Variants in NRAP observed in about 807,000 individuals in gnomAD.
NRAP encodes nebulin related anchoring protein.
A neutral mutation model predicts 225.9 loss-of-function variants in NRAP; 189 were observed. The ratio of observed to expected loss-of-function variants is 0.84; its 90% CI spans 0.74 to 0.94. The LOEUF is 0.94. Ranked by LOEUF, NRAP falls within the 40% of genes least tolerant of loss-of-function variation. The probability of loss-of-function intolerance (pLI) is 0.00; values close to 1 mark genes in which losing one functional copy is unlikely to be tolerated. For missense variants in NRAP, 2,176 were observed against 2,168.7 expected (o/e 1.00, Z -0.07); for synonymous variants, 769 against 790.7 (o/e 0.97, Z 0.46).
In NRAP at chr10:113,650,506, C is replaced by T. The variant is rs1473259189; in HGVS notation, c.715G>A (p.Gly239Ser). ...TEDYEQQRGK[G>S]SFPAMITPAY... ...GGTGTGATCATCGCAGGGAAACTGCCTTTCCCTCTTTGTTGTTCATAGTCC... is the reference window on the plus strand; with the variant it reads ...GGTGTGATCATCGCAGGGAAACTGCTTTTCCCTCTTTGTTGTTCATAGTCC... Residue 239 changes from glycine to serine, a missense_variant, in exon 8 of 42, where the codon GGC becomes AGC. Gly to Ser is a moderately conservative substitution (Grantham distance 56). Transcript: ENST00000359988. 5 of 1,613,750 alleles carry T rather than the reference C, an allele frequency of 3.1e-6. No homozygotes were observed. The South Asian group carries it at 4.4e-5, about 14-fold the overall frequency.
intron 31 of NRAP, among the ~76,000 whole-genome samples, chr10:113,609,792 G>T (rs974662695): frequency 6.6e-6 from 1 of 152,106 alleles, no homozygotes; most frequent in Non-Finnish European, 1.5e-5. Flanking sequence ...ATCTCTCTCT[G>T]TTGGTCTTCA....
intron 35 of NRAP, among the ~76,000 whole-genome samples, chr10:113,604,380 G>A (rs181052834): frequency 1.1e-4 from 16 of 152,320 alleles, no homozygotes. Flanking sequence ...CTCCCAAAGT[G>A]TTGGGATTAC....
chr10:113,613,405 T>G (rs1847447622), intron 29 of NRAP, among the ~76,000 whole-genome samples: 1 of 152,174 alleles, frequency 6.6e-6, no homozygotes, highest in Non-Finnish European at 1.5e-5. Context: ...ACTGAATCAC[T>G]CAGAGTTTCT....
rs1846105869 is a variant in NRAP at position 113,593,408 on chromosome 10, GGGCCAAGCAT to G, written c.4537-1117_4537-1108del. Among the ~76,000 whole-genome samples, 3 of 152,118 alleles carry G rather than the reference GGGCCAAGCAT, an allele frequency of 2.0e-5. No individual in the cohort carries two copies. The South Asian group carries it at 6.2e-4, about 32-fold the overall frequency. On this transcript the variant is annotated intron_variant, in intron 38 of 41. Coordinates refer to ENST00000359988, the MANE Select transcript of NRAP (RefSeq NM_198060.4). ...AACTAGAGAGGACCACAAAGTGCTTGGGCCAAGCATGGCGGATCTCATCATTTCTCTGTAC... is the reference window on the plus strand; with the variant it reads ...AACTAGAGAGGACCACAAAGTGCTTGGGCGGATCTCATCATTTCTCTGTAC...
In NRAP at chr10:113,604,891, C is replaced by T. The variant is rs1418300590; in HGVS notation, c.3945G>A (p.Glu1315=). 6.2e-7 allele frequency: 1 copy of T among 1,613,734 alleles called. No individual in the cohort carries two copies. Among genetic ancestry groups the T allele is most frequent in the African/African-American group, 1.3e-5 (1 of 74,934 alleles). The change falls in exon 35 of 42, where the codon GAG becomes GAA. Residue 1315 remains glutamate, a synonymous_variant. Coordinates refer to ENST00000359988, the MANE Select transcript of NRAP (RefSeq NM_198060.4). ...TCTGGGGCCCTATGAGTTTCCCTCG[C>T]TCCTTCACAAAGTCATGTCTGTAGA... ...DFLYRHDFVK[E]RGKLIGPQSV...
At position 113,626,095 on chromosome 10, in the gene NRAP, G is replaced by A. The variant is rs1229763071; in HGVS notation, c.2196C>T (p.Asp732=). 9.9e-6 allele frequency: 16 copies of A among 1,612,322 alleles called. No homozygotes were observed. Among genetic ancestry groups the A allele is most frequent in the Non-Finnish European group, 1.4e-5 (16 of 1,179,500 alleles). Residue 732 remains aspartate (D), a synonymous_variant, in exon 21 of 42, where the codon GAC becomes GAT. Coordinates refer to ENST00000359988, the MANE Select transcript of NRAP (RefSeq NM_198060.4). ...VDELKFTSVT[D]SSQMEHAKKS... ...TCTTGGCGTGCTCCATCTGGGAGCT[G>A]TCGGTCACGCTGGTGAACTTCAGCT... is the stretch of plus-strand genomic sequence containing the variant.
At chr10:113,655,328 T>G (rs1208580324) in intron 4 of NRAP, among the ~76,000 whole-genome samples, 1 of 152,198 alleles carries the variant, frequency 6.6e-6, no homozygotes, top group Non-Finnish European at 1.5e-5. Flanking sequence ...TTATCTAGTC[T>G]AGAAAAACAC....
At chr10:113,634,883 T>A (rs1848776398) in intron 14 of NRAP, among the ~76,000 whole-genome samples, 1 of 152,096 alleles carries the variant, frequency 6.6e-6, no homozygotes, top group African/African-American at 2.4e-5. Flanking sequence ...TGGGAGACAA[T>A]GGAGCATCAG....
intron 35 of NRAP, among the ~76,000 whole-genome samples, chr10:113,601,859 C>A (rs181728005): frequency 6.6e-6 from 1 of 152,114 alleles, no homozygotes; most frequent in Non-Finnish European, 1.5e-5. Flanking sequence ...TGGATCAAAT[C>A]GAACCTCTTT....
At chr10:113,636,772 G>T (rs1222570464) in intron 14 of NRAP, among the ~76,000 whole-genome samples, 1 of 152,100 alleles carries the variant, frequency 6.6e-6, no homozygotes, top group Non-Finnish European at 1.5e-5. Context: ...ACTTTGGGAG[G>T]CCGAGGCAGG....
At chr10:113,608,027 A>ATCTAG (rs1847100375) in intron 32 of NRAP, among the ~76,000 whole-genome samples, 3 of 152,246 alleles carry the variant, frequency 2.0e-5, no homozygotes, top group African/African-American at 4.8e-5. Context: ...AAAATTGGTT[A>ATCTAG]GCCAATATTT....
Position 113,605,761 on chromosome 10 carries a change from C to T in NRAP, c.3915+1G>A. On this transcript the variant is annotated splice_donor_variant, in intron 34 of 41. Coordinates refer to ENST00000359988, the MANE Select transcript of NRAP (RefSeq NM_198060.4). LOFTEE classifies it high-confidence loss of function. ...ATGGAAGGTCATATCATTCAACTCA[C>T]ATCACTGGCTATATCTCCAGAGGCC... 2 of 1,594,452 alleles carry T rather than the reference C, an allele frequency of 1.3e-6. No individual in the cohort carries two copies. The highest frequency in any genetic ancestry group is 1.7e-6 in the Non-Finnish European group (2 of 1,162,218).
intron 31 of NRAP, among the ~76,000 whole-genome samples, chr10:113,610,028 TAACATCC>T (rs1333308279): frequency 6.6e-6 from 1 of 151,250 alleles, no homozygotes; most frequent in African/African-American, 2.4e-5. Context: ...GCTAAGAGTT[TAACATCC>T]AACTGGCTTT....
At chr10:113,639,070 T>C (rs1400565066) in intron 14 of NRAP, among the ~76,000 whole-genome samples, 2 of 145,976 alleles carry the variant, frequency 1.4e-5, no homozygotes, top group African/African-American at 5.1e-5. Flanking sequence ...GATCTGCAAG[T>C]TTCCCAGGTA....
chr10:113,646,485 C>A (rs1849516167), intron 10 of NRAP, among the ~76,000 whole-genome samples: 1 of 152,238 alleles, frequency 6.6e-6, no homozygotes, highest in Non-Finnish European at 1.5e-5. Context: ...GAGCATGTCA[C>A]TTTTCCAAGT....
Position 113,612,257 on chromosome 10 carries a change from TC to T in NRAP, c.3474del (p.Ala1160LeufsTer14). The T allele has an allele frequency of 1.9e-6, 3 of 1,614,144 alleles. No individual in the cohort carries two copies. The highest frequency in any genetic ancestry group is 2.5e-6 in the Non-Finnish European group (3 of 1,180,014). Reference sequence around the variant, plus strand: ...ACCTCACTCTGCAATTTGTGAGCTTTCTTGGCACAGCTCAGCCTCAGGTCTT... The same window carrying T: ...ACCTCACTCTGCAATTTGTGAGCTTTTTGGCACAGCTCAGCCTCAGGTCTT... ...LAEDLRLSCA[K>X]KAHKLQSENL... On this transcript the variant is annotated frameshift_variant, in exon 30 of 42. Transcript: ENST00000359988. LOFTEE classifies it high-confidence loss of function.
At position 113,640,220 on chromosome 10, in the gene NRAP, A is replaced by G. The variant is rs773685279; in HGVS notation, c.1428+7T>C. On this transcript the variant is annotated splice_region_variant and intron_variant, in intron 14 of 41. Transcript: ENST00000359988. ...AAAGCAGAAAGAGCTGTTGGAAAAG[A>G]ACTTACATCTTTCAAGGGCACCAGT... 15 of 1,544,444 alleles carry G rather than the reference A, an allele frequency of 9.7e-6. No individual in the cohort carries two copies. The highest frequency in any genetic ancestry group is 1.2e-5 in the Non-Finnish European group (14 of 1,125,448).
intron 36 of NRAP, among the ~76,000 whole-genome samples, chr10:113,597,531 T>G (rs1846353205): frequency 1.3e-5 from 2 of 152,158 alleles, no homozygotes; most frequent in South Asian, 4.2e-4. Context: ...GAAGGCAGTG[T>G]CACCTTCGAG....
chr10:113,638,331 G>T (rs987165658), intron 14 of NRAP, among the ~76,000 whole-genome samples: 3 of 150,972 alleles, frequency 2.0e-5, no homozygotes, highest in Admixed American at 1.3e-4. Flanking sequence ...CATTTTGAAG[G>T]TTTTTTTTTC....
Sources: gnomAD v4.1 joint callset for allele counts (sites outside exome capture counted in the v4.1 genomes callset) on GRCh38, gnomAD v4.1.1 for gene constraint, MANE v1.5 for transcripts, NCBI Gene and HGNC (gene_info 2026-07-23, HGNC 2026-07-21) for gene names.